UHRF2: variants seen among roughly 807,000 people sequenced by gnomAD.
UHRF2 encodes E3 ubiquitin-protein ligase UHRF2.
A neutral mutation model predicts 96.8 loss-of-function variants in UHRF2; 23 were observed. The observed-to-expected ratio is 0.24, with a 90% CI of 0.17 to 0.34. The LOEUF (loss-of-function observed/expected upper bound fraction) is 0.34. UHRF2 is among the 10% of genes least tolerant of loss of function. The pLI is 1.00. For missense variants in UHRF2, 685 were observed against 981.5 expected (o/e 0.70, Z 4.04); for synonymous variants, 385 against 332.6 (o/e 1.16, Z -1.72).
intron 4 of UHRF2, chr9:6,468,890 T>A (rs1230839720): frequency 2.8e-6 from 1 of 352,562 alleles, no homozygotes; most frequent in Non-Finnish European, 5.6e-6. Flanking sequence ...GCTGATTAAA[T>A]GTTAAACCAC....
chr9:6,487,798 A>C (rs1166507701), intron 9 of UHRF2, among the ~76,000 whole-genome samples: 1 of 152,236 alleles, frequency 6.6e-6, no homozygotes, highest in African/African-American at 2.4e-5. Flanking sequence ...CACGGTGCCC[A>C]TCCTCTATAG....
intron 4 of UHRF2, among the ~76,000 whole-genome samples, chr9:6,474,952 C>T (rs1019415340): frequency 2.6e-5 from 4 of 151,898 alleles, no homozygotes; most frequent in African/African-American, 4.8e-5. Context: ...TACATTTTCA[C>T]AAAAGTATAT....
intron 3 of UHRF2, among the ~76,000 whole-genome samples, chr9:6,452,787 G>C (rs1821951368): frequency 6.6e-6 from 1 of 152,136 alleles, no homozygotes; most frequent in Non-Finnish European, 1.5e-5. Flanking sequence ...TTGCATTTGA[G>C]GTGCTTCTGG....
At chr9:6,437,470 TG>T (rs2130779570) in intron 3 of UHRF2, among the ~76,000 whole-genome samples, 1 of 152,246 alleles carries the variant, frequency 6.6e-6, no homozygotes, top group South Asian at 2.1e-4. Context: ...GGACCTCAGG[TG>T]ATCCACCTAC....
chr9:6,413,696 C>G, intron 1 of UHRF2, 53 bp downstream of exon 1: 1 of 1,453,198 alleles, frequency 6.9e-7, no homozygotes. Flanking sequence ...AACAGCTGGG[C>G]TCCTCTGGAC....
intron 3 of UHRF2, among the ~76,000 whole-genome samples, chr9:6,441,331 G>C (rs1277259915): frequency 6.6e-6 from 1 of 151,784 alleles, no homozygotes; most frequent in African/African-American, 2.4e-5. Context: ...TGAAGATTGT[G>C]CCATTGTACT....
chr9:6,423,987 A>T (rs73399673), intron 2 of UHRF2, among the ~76,000 whole-genome samples: 3,284 of 115,834 alleles, frequency 0.028, 129 homozygotes, highest in African/African-American at 0.1. Flanking sequence ...TGATAAGAGG[A>T]ATAGACAGAA....
chr9:6,470,990 T>TA (rs1289252330), intron 4 of UHRF2, among the ~76,000 whole-genome samples: 1 of 151,980 alleles, frequency 6.6e-6, no homozygotes, highest in Admixed American at 6.6e-5. Flanking sequence ...TAGATTAAAA[T>TA]AAAAAAATCC....
At chr9:6,452,698 C>A (rs539433163) in intron 3 of UHRF2, among the ~76,000 whole-genome samples, 1 of 152,318 alleles carries the variant, frequency 6.6e-6, no homozygotes, top group Admixed American at 6.5e-5. Flanking sequence ...TCTTACACTT[C>A]TAAGAGCATG....
intron 3 of UHRF2, among the ~76,000 whole-genome samples, chr9:6,440,399 T>C (rs192181833): frequency 6.6e-6 from 1 of 152,248 alleles, no homozygotes; most frequent in East Asian, 1.9e-4. Context: ...TAGCCAAGGG[T>C]CACATCTATT....
intron 9 of UHRF2, among the ~76,000 whole-genome samples, chr9:6,487,185 T>TATTTTTA (rs1563799233): frequency 8.5e-6 from 1 of 117,082 alleles, no homozygotes; most frequent in African/African-American, 3.5e-5. Flanking sequence ...TTTTTTCCTT[T>TATTTTTA]TTTTTTTTTT....
rs374824143 is a variant in UHRF2, at chr9:6,447,671, G to A, written c.645-12902G>A. On this transcript the variant is annotated intron_variant, in intron 3 of 15. Coordinates refer to ENST00000276893, the MANE Select transcript of UHRF2 (RefSeq NM_152896.3). ...TTCCACTCCTTCCTAAACCATCCTA[G>A]AAGACAGTAAAATAATAAATCCATA... 3.9e-5 allele frequency among the ~76,000 whole-genome samples: 6 copies of A among 152,152 alleles called. No individual in the cohort carries two copies. The South Asian group carries it at 1.2e-3, about 32-fold the overall frequency.
chr9:6,497,602 A>G (rs762905135), intron 11 of UHRF2, among the ~76,000 whole-genome samples: 2 of 151,670 alleles, frequency 1.3e-5, no homozygotes, highest in African/African-American at 2.4e-5. Context: ...ATGTAAGTGT[A>G]TGTTCTCTAT....
chr9:6,428,641 CT>C (rs1820398475), intron 2 of UHRF2, among the ~76,000 whole-genome samples: 1 of 136,432 alleles, frequency 7.3e-6, no homozygotes, highest in South Asian at 2.4e-4. Context: ...CCCCAACCTT[CT>C]GGGCTTAAGC....
At chr9:6,459,618 G>A (rs1822401632) in intron 3 of UHRF2, among the ~76,000 whole-genome samples, 1 of 152,152 alleles carries the variant, frequency 6.6e-6, no homozygotes, top group Non-Finnish European at 1.5e-5. Context: ...GCAGTGAGCT[G>A]AGATCACACC....
chr9:6,448,244 T>C (rs560323746), intron 3 of UHRF2, among the ~76,000 whole-genome samples: 189 of 152,266 alleles, frequency 1.2e-3, no homozygotes, highest in Non-Finnish European at 2.1e-3. Context: ...TAATGATAGG[T>C]ACATAGTAAC....
chr9:6,465,765 G>C (rs1443804067), intron 4 of UHRF2, among the ~76,000 whole-genome samples: 3 of 152,162 alleles, frequency 2.0e-5, no homozygotes, highest in Non-Finnish European at 4.4e-5. Flanking sequence ...GAAGCAAATA[G>C]AGGACATGAT....
chr9:6,490,217 C>G (rs1452369313), intron 9 of UHRF2, among the ~76,000 whole-genome samples: 1 of 152,176 alleles, frequency 6.6e-6, no homozygotes, highest in African/African-American at 2.4e-5. Context: ...GTTTCCCCAT[C>G]TGTAAAAAGA....
intron 3 of UHRF2, among the ~76,000 whole-genome samples, chr9:6,436,137 G>A (rs529460460): frequency 1.2e-4 from 18 of 152,208 alleles, no homozygotes; most frequent in African/African-American, 3.6e-4. Flanking sequence ...TAACAAGTAC[G>A]AGTTAGAAAT....
Sources: allele counts gnomAD v4.1 joint callset (sites outside exome capture counted in the v4.1 genomes callset), GRCh38; gene constraint gnomAD v4.1.1; transcripts MANE v1.5; gene names NCBI Gene and HGNC (gene_info 2026-07-23, HGNC 2026-07-21).